TMEM116: variants seen among roughly 807,000 people sequenced by gnomAD.
The protein encoded by TMEM116 is transmembrane protein 116.
A neutral mutation model predicts 44.3 loss-of-function variants in TMEM116; 38 were observed. The ratio of observed to expected loss-of-function variants is 0.86; its 90% CI spans 0.66 to 1.12. The LOEUF is 1.12. Among genes scored for constraint, TMEM116 ranks in the 50% most tolerant of loss-of-function variants. The pLI is 0.00. For missense variants in TMEM116, 354 were observed against 401.7 expected, an observed-to-expected ratio of 0.88 and a Z score of 1.01; for synonymous variants, 132 against 144.8, an observed-to-expected ratio of 0.91 and a Z score of 0.64.
chr12:111,947,725 A>C (rs192973155), intron 4 of TMEM116, among the ~76,000 whole-genome samples: 150 of 152,324 alleles, frequency 9.8e-4, no homozygotes, highest in African/African-American at 3.4e-3. Context: ...AATCAGATTC[A>C]TGAAAAAGAC....
chr12:111,954,326 G>T (rs574427649), intron 4 of TMEM116, among the ~76,000 whole-genome samples: 1 of 152,274 alleles, frequency 6.6e-6, no homozygotes, highest in African/African-American at 2.4e-5. Flanking sequence ...TGCAGACCCT[G>T]TTTTCTATTG....
chr12:111,971,161 A>G (rs561491031), intron 4 of TMEM116, among the ~76,000 whole-genome samples: 8 of 152,338 alleles, frequency 5.3e-5, no homozygotes, highest in Non-Finnish European at 8.8e-5. Flanking sequence ...AAAGGGTGAC[A>G]TTTAGGCAGA....
At chr12:111,989,108 C>G (rs2076397859) in intron 4 of TMEM116, among the ~76,000 whole-genome samples, 1 of 152,174 alleles carries the variant, frequency 6.6e-6, no homozygotes, top group Admixed American at 6.5e-5. Context: ...AAAACAACCA[C>G]TTGAAGACTC....
intron 3 of TMEM116, among the ~76,000 whole-genome samples, chr12:112,001,731 A>G (rs186632507): frequency 1.3e-5 from 2 of 152,358 alleles, no homozygotes; most frequent in Non-Finnish European, 2.9e-5. Context: ...GGAAATAAAC[A>G]TTAGGAAAAT....
intron 9 of TMEM116, 77 bp downstream of exon 9, chr12:111,933,809 T>TGAA (rs1346757993): frequency 1.3e-4 from 201 of 1,574,922 alleles, no homozygotes; most frequent in Non-Finnish European, 1.7e-4. Context: ...GCCATCCTTC[T>TGAA]TAGTGAGACC....
At chr12:112,000,650 CT>C in intron 3 of TMEM116, 4 of 431,952 alleles carry the variant, frequency 9.3e-6, no homozygotes, top group South Asian at 7.0e-5. Flanking sequence ...TCAAGTGATC[CT>C]CCCATCTCAG....
intron 4 of TMEM116, among the ~76,000 whole-genome samples, chr12:111,956,489 A>G (rs547999741): frequency 1.3e-5 from 2 of 152,236 alleles, no homozygotes; most frequent in East Asian, 3.9e-4. Flanking sequence ...ACATCAAAAA[A>G]TAGGACCCCT....
chr12:111,937,373 C>A lies in TMEM116; in HGVS notation c.366-130G>T, dbSNP rs974136243. 1.2e-5 allele frequency: 9 copies of A among 723,444 alleles called. No individual in the cohort carries two copies. In the Admixed American group the frequency reaches 1.2e-4, roughly 10 times the overall value. The allele number at this position is 723,444 out of a possible 1,614,324, so 44.8% of individuals were successfully genotyped here. A position where few individuals can be genotyped will look rare whatever the true frequency, so the allele number is the denominator to read the frequency against. On this transcript the variant is annotated intron_variant, in intron 6 of 10. Coordinates refer to ENST00000552374, the MANE Select transcript of TMEM116 (RefSeq NM_001193531.2). ...TCTCCACAAATAACACATTTAATTT[C>A]TTCAAGAAAAATACCTCAAATACCT... is the stretch of plus-strand genomic sequence containing the variant.
chr12:111,971,255 T>C (rs564691674), intron 4 of TMEM116, among the ~76,000 whole-genome samples: 24 of 152,180 alleles, frequency 1.6e-4, no homozygotes, highest in Non-Finnish European at 2.9e-4. Context: ...GTATGTTTTT[T>C]TCTTACTACT....
chr12:111,932,065 A>G (rs2071691863), intron 10 of TMEM116, among the ~76,000 whole-genome samples: 3 of 150,482 alleles, frequency 2.0e-5, no homozygotes, highest in African/African-American at 7.4e-5. Flanking sequence ...ACAATGAAAT[A>G]GCTTCAGTGC....
At chr12:111,993,816 T>C in intron 3 of TMEM116, 1 of 745,640 alleles carries the variant, frequency 1.3e-6, no homozygotes, top group South Asian at 1.3e-5. Flanking sequence ...GTGCAATTGT[T>C]TCTCACCCTG....
At chr12:111,942,281 GTTT>G (rs200319159) in intron 5 of TMEM116, among the ~76,000 whole-genome samples, 3,424 of 149,102 alleles carry the variant, frequency 0.023, 53 homozygotes, top group Non-Finnish European at 0.038. Flanking sequence ...GTTTTGTTTT[GTTT>G]TTTTGAGACG....
intron 3 of TMEM116, 174 bp downstream of exon 3, chr12:112,003,626 C>A (rs2077406099): frequency 2.8e-6 from 2 of 708,920 alleles, no homozygotes; most frequent in Non-Finnish European, 2.1e-6. Flanking sequence ...AAAATAATTA[C>A]CTAGAAGAAA....
chr12:111,997,833 A>G (rs1206380313), intron 3 of TMEM116, among the ~76,000 whole-genome samples: 2 of 152,348 alleles, frequency 1.3e-5, no homozygotes, highest in East Asian at 3.9e-4. Context: ...TTAAAAGTAT[A>G]AAGTATTTAA....
intron 4 of TMEM116, among the ~76,000 whole-genome samples, chr12:111,972,221 A>T (rs2075385849): frequency 6.6e-6 from 1 of 152,186 alleles, no homozygotes; most frequent in Non-Finnish European, 1.5e-5. Flanking sequence ...CTATATAAGT[A>T]ACAGAAAATG....
chr12:111,958,014 A>C (rs371168097), intron 4 of TMEM116, among the ~76,000 whole-genome samples: 19 of 152,124 alleles, frequency 1.2e-4, no homozygotes, highest in Non-Finnish European at 2.5e-4. Flanking sequence ...TGTGTCCACT[A>C]AGGGTTAAAT....
rs74619648 is a variant in TMEM116, at chr12:111,934,080, C to T, written c.589-50G>A. 2.6e-3 allele frequency: 4,131 copies of T among 1,594,044 alleles called. 93 individuals carry two copies. The African/African-American group carries it at 0.048, about 18-fold the overall frequency. On this transcript the variant is annotated intron_variant, in intron 8 of 10. Transcript: ENST00000552374. ...AGTTTGCTTAAAGCTTAGTAAAATG[C>T]CCCAGGTCTATCCTCCTATCATTTT...
chr12:111,949,365 A>G lies in TMEM116; in HGVS notation c.211-5996T>C, dbSNP rs561823090. ...TATTTTTATAATGGAATACAATTTA[A>G]AACATTGCTTATATATATTAGCAAG... On this transcript the variant is annotated intron_variant, in intron 4 of 10. Coordinates refer to ENST00000552374, the MANE Select transcript of TMEM116 (RefSeq NM_001193531.2). 1.5e-3 allele frequency among the ~76,000 whole-genome samples: 222 copies of G among 152,340 alleles called. 1 individual carries two copies. Among genetic ancestry groups the G allele is most frequent in the South Asian group, 4.1e-3 (20 of 4,834 alleles).
At chr12:112,003,771 C>G (rs1384842817) in intron 3 of TMEM116, 29 bp downstream of exon 3, 1 of 1,506,432 alleles carries the variant, frequency 6.6e-7, no homozygotes, top group Non-Finnish European at 8.8e-7. Flanking sequence ...ATAAAAAGTT[C>G]AAATCCAACA....
Sources: gnomAD v4.1 joint callset for allele counts (sites outside exome capture counted in the v4.1 genomes callset) on GRCh38, gnomAD v4.1.1 for gene constraint, MANE v1.5 for transcripts, NCBI Gene and HGNC (gene_info 2026-07-23, HGNC 2026-07-21) for gene names.